Variants in NCMAP observed in about 807,000 individuals in gnomAD.
The protein encoded by NCMAP is non-compact myelin associated protein.
Under a neutral mutation model 7.8 loss-of-function variants are expected in NCMAP, and 8 were observed. The observed-to-expected ratio is 1.02, with a 90% CI of 0.60 to 1.84. The LOEUF (loss-of-function observed/expected upper bound fraction) is 1.84. Among genes scored for constraint, NCMAP ranks in the 40% most tolerant of loss-of-function variants. NCMAP has a pLI of 0.00. For synonymous variants in NCMAP, 41 were observed against 52.9 expected, an observed-to-expected ratio of 0.78 and a Z score of 0.98; for missense variants, 112 against 131.4, an observed-to-expected ratio of 0.85 and a Z score of 0.72.
At chr1:24,602,738 G>GAA (rs879803450) in intron 3 of NCMAP, among the ~76,000 whole-genome samples, 7 of 143,680 alleles carry the variant, frequency 4.9e-5, no homozygotes, top group African/African-American at 1.5e-4. Context: ...CCTGTCTCTG[G>GAA]AAAAAAAAAA....
At position 24,605,798 on chromosome 1, in the gene NCMAP, C is replaced by T. The variant is rs772780122; in HGVS notation, c.*51C>T. On this transcript the variant is annotated 3_prime_UTR_variant, in exon 4 of 4. Transcript: ENST00000374392. ...ACTGTCCAAAGAGCCTCTCCAGAGT[C>T]AAGACCCAGAGGCACACTCTCTGGC... is the stretch of plus-strand genomic sequence containing the variant. The T allele has an allele frequency of 2.2e-5, 35 of 1,599,690 alleles. No homozygotes were observed. Among genetic ancestry groups the T allele is most frequent in the Non-Finnish European group, 2.7e-5 (32 of 1,168,842 alleles).
intron 3 of NCMAP, among the ~76,000 whole-genome samples, chr1:24,603,093 G>A (rs1652564735): frequency 6.6e-6 from 1 of 151,838 alleles, no homozygotes; most frequent in Admixed American, 6.6e-5. Context: ...AATAAAAGTA[G>A]CTAACATATA....
intron 1 of NCMAP, among the ~76,000 whole-genome samples, chr1:24,590,404 T>C (rs1403625351): frequency 6.6e-6 from 1 of 152,172 alleles, no homozygotes; most frequent in Non-Finnish European, 1.5e-5. Flanking sequence ...AGGAATTGTA[T>C]GAAAGCCTCA....
At chr1:24,569,864 G>A (rs1651338765) in intron 1 of NCMAP, among the ~76,000 whole-genome samples, 1 of 150,806 alleles carries the variant, frequency 6.6e-6, no homozygotes, top group African/African-American at 2.5e-5. Context: ...AGACTCTGAA[G>A]TCAGATTCTT....
Position 24,592,159 on chromosome 1 carries a change from A to G in NCMAP, c.-7-3265A>G, listed in dbSNP as rs145988713. 5.5e-3 allele frequency among the ~76,000 whole-genome samples: 835 copies of G among 152,330 alleles called. 3 individuals are homozygous for G. The highest frequency in any genetic ancestry group is 9.1e-3 in the Non-Finnish European group (617 of 68,010). On this transcript the variant is annotated intron_variant, in intron 1 of 3. Transcript: ENST00000374392. Reference sequence around the variant, plus strand: ...TGCCCTGCTGTCACAGCAGTTTGGCAGAGGGTGGTGTGAGTAGCTGAGACG... The same window carrying G: ...TGCCCTGCTGTCACAGCAGTTTGGCGGAGGGTGGTGTGAGTAGCTGAGACG...
intron 1 of NCMAP, among the ~76,000 whole-genome samples, chr1:24,578,477 G>A (rs1014136326): frequency 2.6e-5 from 4 of 151,362 alleles, no homozygotes; most frequent in Admixed American, 6.6e-5. Flanking sequence ...TGGGGTGGGA[G>A]GGAGGGTAGC....
intron 1 of NCMAP, among the ~76,000 whole-genome samples, chr1:24,578,296 C>T (rs1651646059): frequency 6.6e-6 from 1 of 151,570 alleles, no homozygotes; most frequent in African/African-American, 2.4e-5. Flanking sequence ...ATGAACCTTC[C>T]TCTGTCTATG....
intron 2 of NCMAP, among the ~76,000 whole-genome samples, chr1:24,599,738 C>T (rs1030152291): frequency 3.1e-4 from 46 of 149,800 alleles, no homozygotes; most frequent in African/African-American, 5.8e-4. Flanking sequence ...CCATCACGCC[C>T]GGCTAATTTT....
chr1:24,585,727 C>G (rs569050652), intron 1 of NCMAP, among the ~76,000 whole-genome samples: 5 of 152,312 alleles, frequency 3.3e-5, no homozygotes, highest in African/African-American at 4.8e-5. Context: ...CCAGCCACAG[C>G]CCCTGTGTCC....
intron 1 of NCMAP, among the ~76,000 whole-genome samples, chr1:24,559,235 CG>C (rs1026936692): frequency 1.8e-4 from 27 of 152,198 alleles, no homozygotes; most frequent in Non-Finnish European, 1.5e-4. Context: ...GTTCCCCTAT[CG>C]GTTTCCCCAT....
rs567936822 is a variant in NCMAP at position 24,566,503 on chromosome 1, G to C, written c.-8+10334G>C. 2.6e-5 allele frequency among the ~76,000 whole-genome samples: 4 copies of C among 152,268 alleles called. No individual in the cohort carries two copies. In the South Asian group the frequency reaches 8.3e-4, roughly 32 times the overall value. On this transcript the variant is annotated intron_variant, in intron 1 of 3. Transcript: ENST00000374392. ...CAGGAAATTGCTCATTCTGCCTGGC[G>C]GGGGAAGGGAAGAGGAGACAGGGGC...
At chr1:24,598,133 C>T (rs1184816736) in intron 2 of NCMAP, among the ~76,000 whole-genome samples, 6 of 152,178 alleles carry the variant, frequency 3.9e-5, no homozygotes, top group African/African-American at 1.4e-4. Flanking sequence ...GGAAAAAAAC[C>T]TAAGTTGCCC....
chr1:24,597,678 A>AAG (rs1557602723), intron 2 of NCMAP, among the ~76,000 whole-genome samples: 2,407 of 115,452 alleles, frequency 0.021, 58 homozygotes, highest in Middle Eastern at 0.093. Flanking sequence ...AAAGAAAAGA[A>AAG]AAAGAAAGAA....
intron 1 of NCMAP, among the ~76,000 whole-genome samples, chr1:24,592,337 A>G (rs1213469971): frequency 6.6e-6 from 1 of 152,192 alleles, no homozygotes; most frequent in East Asian, 1.9e-4. Flanking sequence ...TCCCAAGGCA[A>G]GGAGTTCGTC....
intron 3 of NCMAP, 148 bp from the exon 4 acceptor site, chr1:24,605,458 G>T: frequency 1.1e-6 from 1 of 890,552 alleles, no homozygotes; most frequent in Non-Finnish European, 1.6e-6. Flanking sequence ...ACTTCCAGTT[G>T]TAAAATTCTG....
chr1:24,564,194 CAG>C (rs1651144416), intron 1 of NCMAP, among the ~76,000 whole-genome samples: 1 of 151,956 alleles, frequency 6.6e-6, no homozygotes. Context: ...GGGAAAGAAA[CAG>C]AGACAACACA....
Position 24,600,974 on chromosome 1 carries a change from T to G in NCMAP, c.117T>G (p.Val39=), listed in dbSNP as rs772469044. ...CCATTGTTGCTGCCGTTGTGGTGGT[T>G]GTCATCATCATCTTCACCGTGGTTC... is the stretch of plus-strand genomic sequence containing the variant. ...SGAIVAAVVV[V]VIIIFTVVLI... The change falls in exon 3 of 4, where the codon GTT becomes GTG. Residue 39 remains valine (V), a synonymous_variant. Coordinates refer to ENST00000374392, the MANE Select transcript of NCMAP (RefSeq NM_001010980.5). 5.0e-6 allele frequency: 8 copies of G among 1,614,172 alleles called. No individual in the cohort carries two copies. Among genetic ancestry groups the G allele is most frequent in the Non-Finnish European group, 6.8e-6 (8 of 1,180,028 alleles).
At chr1:24,593,578 A>G (rs2148935098) in intron 1 of NCMAP, among the ~76,000 whole-genome samples, 1 of 152,266 alleles carries the variant, frequency 6.6e-6, no homozygotes, top group African/African-American at 2.4e-5. Flanking sequence ...GGCTCCTGTA[A>G]TATTTGTCTT....
chr1:24,605,941 C>T lies in NCMAP; in HGVS notation c.*194C>T. ...GCCCTACCCCAACTGTGTCCACATC[C>T]CTGCCGCCACCCCACCAAAAAGCTG... On this transcript the variant is annotated 3_prime_UTR_variant, in exon 4 of 4. Transcript: ENST00000374392. The T allele has an allele frequency of 5.2e-6, 3 of 577,338 alleles. No homozygotes were observed. The highest frequency in any genetic ancestry group is 5.4e-5 in the South Asian group (2 of 36,876). The allele number at this position is 577,338 out of a possible 1,614,324, so 35.8% of individuals were successfully genotyped here.
Sources: gnomAD v4.1 joint callset for allele counts (sites outside exome capture counted in the v4.1 genomes callset) on GRCh38, gnomAD v4.1.1 for gene constraint, MANE v1.5 for transcripts, NCBI Gene and HGNC (gene_info 2026-07-23, HGNC 2026-07-21) for gene names.